The following NLRP1 variants were observed in gnomAD, a reference collection of about 807,000 sequenced individuals.
NLRP1 encodes NACHT, LRR and PYD domains-containing protein 1.
A neutral mutation model predicts 136.7 loss-of-function variants in NLRP1; 94 were observed. That is an observed-to-expected ratio of 0.69 (90% CI 0.58 to 0.82). NLRP1 has a LOEUF of 0.82. Among genes scored for constraint, NLRP1 ranks in the 40% least tolerant of loss-of-function variants. The pLI is 0.00. For missense variants in NLRP1, 1,575 were observed against 1,802.7 expected, an observed-to-expected ratio of 0.87 and a Z score of 2.29; for synonymous variants, 690 against 725.1, an observed-to-expected ratio of 0.95 and a Z score of 0.78.
At position 5,504,118 on chromosome 17, in the gene NLRP1, C is replaced by A; in HGVS notation, c.4070-2246G>T. Reference sequence around the variant, plus strand: ...TTGGTGACCCCCTCTATGAGGAATCCTAGGACACACATGGATGATAGCAGC... The same window carrying A: ...TTGGTGACCCCCTCTATGAGGAATCATAGGACACACATGGATGATAGCAGC... On this transcript the variant is annotated intron_variant, in intron 15 of 15. Transcript: ENST00000262467. The surrounding 1 kb of genome is among the most constrained non-coding windows in gnomAD (Gnocchi z 4.4). 6.4e-6 allele frequency: 1 copy of A among 156,210 alleles called. No individual in the cohort carries two copies. Among genetic ancestry groups the A allele is most frequent in the South Asian group, 1.7e-4 (1 of 5,852 alleles). 9.7% of individuals were successfully genotyped at this position (156,210 alleles called of 1,614,324 possible). A position where few individuals can be genotyped will look rare whatever the true frequency, so the allele number is the denominator to read the frequency against.
At position 5,541,963 on chromosome 17, in the gene NLRP1, G is replaced by C; in HGVS notation, c.2593C>G (p.Gln865Glu). ...KDLAFGLRAN[Q>E]TLTELDLSFN... is the part of the protein sequence containing the mutation. Reference sequence around the variant, plus strand: ...CTCAGGTCCAGCTCGGTCAGGGTCTGGTTGGCTCTCAGCCCAAAGGCAAGG... The same window carrying C: ...CTCAGGTCCAGCTCGGTCAGGGTCTCGTTGGCTCTCAGCCCAAAGGCAAGG... The change falls in exon 6 of 17, where the codon CAG becomes GAG. Residue 865 changes from glutamine (Q) to glutamate (E), a missense_variant. By Grantham distance (29) the Gln-to-Glu change is conservative. Transcript: ENST00000572272. This position sits in a 1 kb window ranked among gnomAD's most constrained non-coding sequence, Gnocchi z 4.2. 2 of 1,614,146 alleles carry C rather than the reference G, an allele frequency of 1.2e-6. No individual in the cohort carries two copies. The highest frequency in any genetic ancestry group is 1.7e-6 in the Non-Finnish European group (2 of 1,180,032).
At chr17:5,501,519 A>G in exon 16 of NLRP1, 1 of 260,936 alleles carries the variant, frequency 3.8e-6, no homozygotes, top group Non-Finnish European at 7.5e-6. Flanking sequence ...CCACAATCCC[A>G]AGGTCCAGAG....
chr17:5,577,581 T>A (rs565654142), intron 3 of NLRP1, among the ~76,000 whole-genome samples: 2 of 152,294 alleles, frequency 1.3e-5, no homozygotes, highest in South Asian at 4.1e-4. Flanking sequence ...CAAGGAGAAC[T>A]ACAAACCACT....
At chr17:5,565,197 T>C (rs1434679210) in intron 3 of NLRP1, among the ~76,000 whole-genome samples, 1 of 152,210 alleles carries the variant, frequency 6.6e-6, no homozygotes, top group African/African-American at 2.4e-5. Flanking sequence ...TGGGGTGAGG[T>C]GATATTGCAG....
intron 15 of NLRP1, chr17:5,502,779 G>A (rs1907154012): frequency 6.5e-6 from 1 of 152,796 alleles, no homozygotes; most frequent in Admixed American, 6.6e-5. Context: ...GAGCTTGAAG[G>A]ATGTCATGGA....
At chr17:5,511,289 G>A (rs866899611), downstream of NLRP1, among the ~76,000 whole-genome samples, 2 of 151,976 alleles carry the variant, frequency 1.3e-5, no homozygotes, top group African/African-American at 2.4e-5. Context: ...AAATTTATCC[G>A]GGTGTGGTGG....
At position 5,558,943 on chromosome 17, in the gene NLRP1, G is replaced by A. The variant is rs767373476; in HGVS notation, c.1753C>T (p.Leu585Phe). ...AAEGIWQKKT[L>F]FSPDDLRKHG... is the part of the protein sequence containing the mutation. ...TTCCTGAGGTCATCTGGACTGAAAA[G>A]GGTCTTTTTTTGCCAGATGCCCTCA... Residue 585 changes from leucine (L) to phenylalanine (F), a missense_variant, in exon 4 of 17, where the codon CTT becomes TTT. Coordinates refer to ENST00000572272, the MANE Select transcript of NLRP1 (RefSeq NM_033004.4). 8 of 1,614,034 alleles carry A rather than the reference G, an allele frequency of 5.0e-6. No individual in the cohort carries two copies. The highest frequency in any genetic ancestry group is 1.3e-5 in the African/African-American group (1 of 74,912).
At position 5,562,462 on chromosome 17, in the gene NLRP1, G is replaced by C. The variant is rs139972225; in HGVS notation, c.653-2419C>G. On this transcript the variant is annotated intron_variant, in intron 3 of 16. Transcript: ENST00000572272. ...CTGCCTGAAGGAACCCCGTTTACCA[G>C]AACACCCAACAAAAGAAATGCAGGT... is the stretch of plus-strand genomic sequence containing the variant. Among the ~76,000 whole-genome samples the C allele has an allele frequency of 2.7e-3, 415 of 152,292 alleles. 7 individuals carry two copies. Among genetic ancestry groups the C allele is most frequent in the Admixed American group, 0.024 (361 of 15,298 alleles).
chr17:5,554,522 G>C lies in NLRP1; in HGVS notation c.2358-966C>G, dbSNP rs572900516. On this transcript the variant is annotated intron_variant, in intron 4 of 16. Coordinates refer to ENST00000572272, the MANE Select transcript of NLRP1 (RefSeq NM_033004.4). ...TCCCCTAAGTCTGCAGAGCCATGTG[G>C]GGGCAAGAAGCAGAGGCAAGGAGCT... Among the ~76,000 whole-genome samples, 34 of 152,244 alleles carry C rather than the reference G, an allele frequency of 2.2e-4. 1 individual carries two copies. In the East Asian group the frequency reaches 4.2e-3, roughly 19 times the overall value.
intron 15 of NLRP1, among the ~76,000 whole-genome samples, chr17:5,517,330 A>G (rs1383576447): frequency 7.3e-6 from 1 of 137,136 alleles, no homozygotes; most frequent in African/African-American, 2.7e-5. Context: ...TCATCAATAA[A>G]CTGTGATAGT....
At chr17:5,517,532 C>G (rs1221982732) in intron 15 of NLRP1, among the ~76,000 whole-genome samples, 1 of 152,112 alleles carries the variant, frequency 6.6e-6, no homozygotes, top group African/African-American at 2.4e-5. Flanking sequence ...GGACTACAGG[C>G]ACGCGCTACC....
Position 5,541,782 on chromosome 17 carries a change from C to T in NLRP1, c.2699+75G>A, listed in dbSNP as rs867179588. 6.7e-7 allele frequency: 1 copy of T among 1,490,464 alleles called. No individual in the cohort carries two copies. The highest frequency in any genetic ancestry group is 1.9e-4 in the Middle Eastern group (1 of 5,330). 92.3% of individuals were successfully genotyped at this position (1,490,464 alleles called of 1,614,324 possible). ...CCACAAAGCAGGTCTCACCTTCTCTCTGCTCTTACCCTCTGCCTGCCTCAT... is the reference window on the plus strand; with the variant it reads ...CCACAAAGCAGGTCTCACCTTCTCTTTGCTCTTACCCTCTGCCTGCCTCAT... On this transcript the variant is annotated intron_variant, in intron 6 of 16. Transcript: ENST00000572272. This position sits in a 1 kb window ranked among gnomAD's most constrained non-coding sequence, Gnocchi z 4.2.
intron 4 of NLRP1, among the ~76,000 whole-genome samples, chr17:5,557,827 A>T (rs191652579): frequency 3.4e-4 from 51 of 152,236 alleles, no homozygotes; most frequent in Middle Eastern, 3.4e-3. Flanking sequence ...AATAATTATG[A>T]AGTCAGTTTT....
chr17:5,557,171 T>C (rs1246547190), intron 4 of NLRP1, among the ~76,000 whole-genome samples: 2 of 150,512 alleles, frequency 1.3e-5, no homozygotes, highest in Non-Finnish European at 3.0e-5. Flanking sequence ...GCCCAGATAA[T>C]TTTTGTATTT....
At position 5,535,884 on chromosome 17, in the gene NLRP1, C is replaced by T. The variant is rs572244149; in HGVS notation, c.2960+967G>A. 9.2e-5 allele frequency among the ~76,000 whole-genome samples: 14 copies of T among 152,270 alleles called. 1 individual carries two copies. In the South Asian group the frequency reaches 2.1e-3, roughly 23 times the overall value. On this transcript the variant is annotated intron_variant, in intron 8 of 16. Transcript: ENST00000572272. ...GGGAAGGGAAGATGGACTTTCCTGG[C>T]CCCGGGGCTTGCCCCTCAAGTCAGG...
At chr17:5,512,111 A>C, downstream of NLRP1, 1 of 782,070 alleles carries the variant, frequency 1.3e-6, no homozygotes, top group South Asian at 1.3e-5. Flanking sequence ...ATGTCTTCAT[A>C]GTCTGCACTT....
chr17:5,522,481 T>C (rs1909026151), intron 12 of NLRP1, among the ~76,000 whole-genome samples: 1 of 152,310 alleles, frequency 6.6e-6, no homozygotes, highest in Non-Finnish European at 1.5e-5. Flanking sequence ...GGCGCCTTGA[T>C]CTTGGACTTA....
rs755028729 is a variant in NLRP1 at position 5,519,848 on chromosome 17, C to CTT, written c.3915+1031_3915+1032dup. Among the ~76,000 whole-genome samples the CTT allele has an allele frequency of 9.0e-3, 813 of 90,250 alleles. 124 individuals are homozygous for CTT. Among genetic ancestry groups the CTT allele is most frequent in the Admixed American group, 0.037 (258 of 7,050 alleles). The allele number at this position is 90,250 out of a possible 152,430, so 59.2% of individuals were successfully genotyped here. A position where few individuals can be genotyped will look rare whatever the true frequency, so the allele number is the denominator to read the frequency against. Reference sequence around the variant, plus strand: ...GCATCTTTATGAAAGTAAATCAGGTCTTTTTTTTTTTTTTTTTTTTTTTTT... The same window carrying CTT: ...GCATCTTTATGAAAGTAAATCAGGTCTTTTTTTTTTTTTTTTTTTTTTTTTTT... On this transcript the variant is annotated intron_variant, in intron 14 of 16. Transcript: ENST00000572272.
chr17:5,555,017 TCACACACACACACACACACA>T (rs55705436), intron 4 of NLRP1, among the ~76,000 whole-genome samples: 3 of 142,344 alleles, frequency 2.1e-5, no homozygotes, highest in Non-Finnish European at 4.6e-5. Context: ...TGAGATCCCA[TCACACACACACACACACACA>T]CACACACACA....
Sources: allele counts gnomAD v4.1 joint callset (sites outside exome capture counted in the v4.1 genomes callset), GRCh38; gene constraint gnomAD v4.1.1; non-coding constraint Gnocchi (gnomAD v3.1); transcripts MANE v1.5; gene names NCBI Gene and HGNC (gene_info 2026-07-23, HGNC 2026-07-21).